Variants in ENTPD1 observed in about 807,000 individuals in gnomAD.
ENTPD1 encodes ATP diphosphohydrolase.
A neutral mutation model predicts 57.0 loss-of-function variants in ENTPD1; 33 were observed. That is an observed-to-expected ratio of 0.58 (90% CI 0.44 to 0.77). ENTPD1 has a LOEUF of 0.77. ENTPD1 is among the 30% of genes least tolerant of loss of function. ENTPD1 has a pLI of 0.00. For missense variants in ENTPD1, 501 were observed against 603.4 expected (o/e 0.83, Z 1.78); for synonymous variants, 202 against 218.8 (o/e 0.92, Z 0.68).
At chr10:95,790,068 C>T (rs1366909302) in intron 1 of ENTPD1, among the ~76,000 whole-genome samples, 1 of 152,092 alleles carries the variant, frequency 6.6e-6, no homozygotes, top group Admixed American at 6.6e-5. Flanking sequence ...TCTCAAGAAG[C>T]AGAGAAAAGT....
the ENTPD1 span, among the ~76,000 whole-genome samples, chr10:95,706,716 G>A: frequency 6.6e-6 from 1 of 152,198 alleles, no homozygotes. Context: ...AGGGTAGTAA[G>A]TACATGCAGA....
chr10:95,798,990 G>A (rs1278098035), intron 1 of ENTPD1, among the ~76,000 whole-genome samples: 2 of 152,300 alleles, frequency 1.3e-5, no homozygotes, highest in East Asian at 1.9e-4. Context: ...TGGTCTTCAC[G>A]TTGCTTCTGT....
chr10:95,797,680 G>A (rs2098232086), intron 1 of ENTPD1, among the ~76,000 whole-genome samples: 1 of 152,142 alleles, frequency 6.6e-6, no homozygotes, highest in African/African-American at 2.4e-5. Context: ...GGAGGTGCCA[G>A]GCTCTTTTAA....
upstream of ENTPD1, among the ~76,000 whole-genome samples, chr10:95,750,766 T>C (rs952007188): frequency 6.6e-6 from 1 of 152,220 alleles, no homozygotes. Flanking sequence ...GGCTCACGCC[T>C]GTAATCCCAG....
upstream of ENTPD1, chr10:95,753,246 C>T (rs2098014968): frequency 6.6e-6 from 1 of 151,942 alleles, no homozygotes; most frequent in Non-Finnish European, 1.5e-5. Flanking sequence ...AATTCTGAGG[C>T]CTTTAGAAAG....
upstream of ENTPD1, among the ~76,000 whole-genome samples, chr10:95,710,740 AT>A (rs2097964889): frequency 6.6e-6 from 1 of 152,028 alleles, no homozygotes; most frequent in Non-Finnish European, 1.5e-5. Context: ...CTTCTTCCTC[AT>A]TTCATCCCTT....
chr10:95,727,747 C>T (rs1421471888), intron 1 of ENTPD1, among the ~76,000 whole-genome samples: 1 of 152,046 alleles, frequency 6.6e-6, no homozygotes, highest in African/African-American at 2.4e-5. Flanking sequence ...TGTCAGCAGG[C>T]AAGTGATAGA....
At position 95,871,577 on chromosome 10, in the gene ENTPD1, TAGTG is replaced by T; in HGVS notation, c.*5197_*5200del. The T allele has an allele frequency of 1.0e-6, 1 of 985,474 alleles. No homozygotes were observed. Among genetic ancestry groups the T allele is most frequent in the South Asian group, 4.7e-5 (1 of 21,292 alleles). 61.0% of individuals were successfully genotyped at this position (985,474 alleles called of 1,614,324 possible). A position where few individuals can be genotyped will look rare whatever the true frequency, so the allele number is the denominator to read the frequency against. On this transcript the variant is annotated 3_prime_UTR_variant, in exon 10 of 10. Transcript: ENST00000371205. ...ATCACAGGTATAATGGATTTTTCAA[TAGTG>T]AGGAGGTGCCTCCATGAGCCTTCTC...
intron 1 of ENTPD1, among the ~76,000 whole-genome samples, chr10:95,809,558 GGAT>G (rs1589943213): frequency 2.1e-5 from 3 of 140,206 alleles, no homozygotes; most frequent in Non-Finnish European, 4.7e-5. Flanking sequence ...CAGATGGGGC[GGAT>G]GCTGGGCAGA....
At chr10:95,719,744 A>C (rs1389107622) in intron 1 of ENTPD1, among the ~76,000 whole-genome samples, 1 of 152,184 alleles carries the variant, frequency 6.6e-6, no homozygotes, top group Non-Finnish European at 1.5e-5. Flanking sequence ...TCCAGGTATG[A>C]GAATTGACTC....
At chr10:95,760,814 C>CTTTTTTTTTTTTTTTTTTTTTTTT (rs71034350) in intron 1 of ENTPD1, among the ~76,000 whole-genome samples, 2 of 62,972 alleles carry the variant, frequency 3.2e-5, no homozygotes, top group Admixed American at 2.1e-4. Flanking sequence ...AGAGTTTATT[C>CTTTTTTTTTTTTTTTTTTTTTTTT]TTTTTTTTTT....
chr10:95,713,690 A>G (rs2097968336), intron 1 of ENTPD1, among the ~76,000 whole-genome samples: 1 of 152,050 alleles, frequency 6.6e-6, no homozygotes, highest in South Asian at 2.1e-4. Context: ...TATTTGTGTG[A>G]CTCTTGACTT....
At chr10:95,773,214 G>T (rs1263473355) in intron 1 of ENTPD1, among the ~76,000 whole-genome samples, 2 of 152,146 alleles carry the variant, frequency 1.3e-5, no homozygotes, top group African/African-American at 4.8e-5. Flanking sequence ...CTCCCATTTG[G>T]CCCCACCTCT....
chr10:95,842,302 AT>A lies in ENTPD1; in HGVS notation c.263-33del, dbSNP rs149043240. Reference sequence around the variant, plus strand: ...TACTATTGTCAAGGTATGTTTTATAATTTTTTTTTAAAAGATTGTTATCTTC... The same window carrying A: ...TACTATTGTCAAGGTATGTTTTATAATTTTTTTTAAAAGATTGTTATCTTC... On this transcript the variant is annotated intron_variant, in intron 3 of 9. Transcript: ENST00000371205. 1.2e-3 allele frequency: 1,869 copies of A among 1,536,120 alleles called. 16 individuals carry two copies. The highest frequency in any genetic ancestry group is 7.4e-3 in the South Asian group (647 of 87,906).
chr10:95,735,982 A>G (rs1245888956), intron 1 of ENTPD1, among the ~76,000 whole-genome samples: 2 of 146,256 alleles, frequency 1.4e-5, no homozygotes, highest in African/African-American at 5.1e-5. Flanking sequence ...ACTTTGGTCT[A>G]TTTTAGAACA....
chr10:95,854,984 G>A (rs2140932673), intron 7 of ENTPD1, among the ~76,000 whole-genome samples: 1 of 152,136 alleles, frequency 6.6e-6, no homozygotes, highest in East Asian at 1.9e-4. Flanking sequence ...TCAATTCCTG[G>A]ATATCCTTGT....
chr10:95,798,082 AG>A (rs2098233868), intron 1 of ENTPD1, among the ~76,000 whole-genome samples: 4 of 152,310 alleles, frequency 2.6e-5, no homozygotes, highest in Admixed American at 2.6e-4. Context: ...CTGGCAAAGT[AG>A]GGGAAGTAGG....
At chr10:95,841,992 T>C (rs1165750551) in intron 3 of ENTPD1, among the ~76,000 whole-genome samples, 1 of 152,238 alleles carries the variant, frequency 6.6e-6, no homozygotes, top group East Asian at 1.9e-4. Context: ...TTTTAGGAAC[T>C]AGTGTCATTA....
At chr10:95,848,852 C>G (rs1590143472) in intron 7 of ENTPD1, among the ~76,000 whole-genome samples, 2 of 152,096 alleles carry the variant, frequency 1.3e-5, no homozygotes, top group African/African-American at 4.8e-5. Context: ...CCTGAGGAGT[C>G]GTTTTTGAGG....
Sources: allele counts gnomAD v4.1 joint callset (sites outside exome capture counted in the v4.1 genomes callset), GRCh38; gene constraint gnomAD v4.1.1; transcripts MANE v1.5; gene names NCBI Gene and HGNC (gene_info 2026-07-23, HGNC 2026-07-21).